DDX60: variants seen among roughly 807,000 people sequenced by gnomAD.
The protein encoded by DDX60 is probable ATP-dependent RNA helicase DDX60.
A neutral mutation model predicts 212.8 loss-of-function variants in DDX60; 165 were observed. The ratio of observed to expected loss-of-function variants is 0.78; its 90% CI spans 0.68 to 0.88. DDX60 has a LOEUF of 0.88. DDX60 is among the 40% of genes least tolerant of loss of function. The pLI is 0.00. For missense variants in DDX60, 1,905 were observed against 2,003.9 expected, an observed-to-expected ratio of 0.95 and a Z score of 0.94; for synonymous variants, 703 against 685.3, an observed-to-expected ratio of 1.03 and a Z score of -0.40.
chr4:168,280,245 T>C lies in DDX60; in HGVS notation c.1978+90A>G, dbSNP rs878886059. On this transcript the variant is annotated intron_variant, in intron 14 of 37. Transcript: ENST00000393743. ...AAGATAGGGCATGTAAGTCTTCTAA[T>C]GCAAATTTCCAGTTAACAAATGGCA... The C allele has an allele frequency of 1.2e-5, 18 of 1,482,872 alleles. No individual in the cohort carries two copies. In the South Asian group the frequency reaches 1.8e-4, roughly 14 times the overall value. 91.9% of individuals were successfully genotyped at this position (1,482,872 alleles called of 1,614,324 possible). A position where few individuals can be genotyped will look rare whatever the true frequency, so the allele number is the denominator to read the frequency against.
chr4:168,290,410 G>A (rs1736039758), intron 8 of DDX60, among the ~76,000 whole-genome samples: 1 of 148,702 alleles, frequency 6.7e-6, no homozygotes, highest in African/African-American at 2.5e-5. Flanking sequence ...CTCACTGCAA[G>A]CTCCGCCTCC....
At chr4:168,239,411 T>C (rs1243918273) in intron 30 of DDX60, among the ~76,000 whole-genome samples, 1 of 149,342 alleles carries the variant, frequency 6.7e-6, no homozygotes, top group Non-Finnish European at 1.5e-5. Context: ...GATAGATAGA[T>C]AGAGGTAGGT....
In DDX60 at chr4:168,243,917, T is replaced by C. The variant is rs949093633; in HGVS notation, c.4164+2501A>G. Among the ~76,000 whole-genome samples, 6 of 151,172 alleles carry C rather than the reference T, an allele frequency of 4.0e-5. No homozygotes were observed. In the East Asian group the frequency reaches 7.7e-4, roughly 19 times the overall value. On this transcript the variant is annotated intron_variant, in intron 30 of 37. Coordinates refer to ENST00000393743, the MANE Select transcript of DDX60 (RefSeq NM_017631.6). Reference sequence around the variant, plus strand: ...GGTACATATACACCATGGAATACTATGCAGCTATAAAAAGGAATGAGATCA... The same window carrying C: ...GGTACATATACACCATGGAATACTACGCAGCTATAAAAAGGAATGAGATCA...
Position 168,293,798 on chromosome 4 carries a change from C to T in DDX60, c.871G>A (p.Glu291Lys). 2 of 1,608,132 alleles carry T rather than the reference C, an allele frequency of 1.2e-6. No homozygotes were observed. The highest frequency in any genetic ancestry group is 1.7e-6 in the Non-Finnish European group (2 of 1,178,282). The change falls in exon 7 of 38, where the codon GAG becomes AAG. Residue 291 changes from glutamate (E) to lysine (K), a missense_variant. Coordinates refer to ENST00000393743, the MANE Select transcript of DDX60 (RefSeq NM_017631.6). ...NREPSSGQET[E>K]IQQVNSNCLT... ...TATAAAAACCACACCTGTTGGATCT[C>T]AGTTTCCTGACCAGAGGAGGGCTCT...
chr4:168,227,913 C>T (rs993538802), intron 33 of DDX60, among the ~76,000 whole-genome samples: 1 of 152,058 alleles, frequency 6.6e-6, no homozygotes, highest in Admixed American at 6.6e-5. Context: ...TTTTAATCAT[C>T]TTACTTTCAA....
At chr4:168,221,553 C>T (rs1437100933) in intron 36 of DDX60, among the ~76,000 whole-genome samples, 177 bp downstream of exon 36, 2 of 151,804 alleles carry the variant, frequency 1.3e-5, no homozygotes, top group Non-Finnish European at 2.9e-5. Flanking sequence ...AAAAATAATA[C>T]CGAATTGTTA....
rs560496032 is a variant in DDX60, at chr4:168,293,885, C to T, written c.784G>A (p.Val262Ile). The change falls in exon 7 of 38, where the codon GTC becomes ATC. Residue 262 changes from valine (V) to isoleucine (I), a missense_variant. Physicochemically the swap from Val to Ile is conservative, Grantham distance 29. Coordinates refer to ENST00000393743, the MANE Select transcript of DDX60 (RefSeq NM_017631.6). ...AATGAGCATGAAGTAACACAAAAGACACGCCGAATGTCAGATCCTTCTGGC... is the reference window on the plus strand; with the variant it reads ...AATGAGCATGAAGTAACACAAAAGATACGCCGAATGTCAGATCCTTCTGGC... The part of the protein sequence containing the change: ...VWPEGSDIRR[V>I]FCVTSCSLSL... The T allele has an allele frequency of 9.3e-6, 15 of 1,614,012 alleles. No homozygotes were observed. In the African/African-American group the frequency reaches 1.9e-4, roughly 20 times the overall value.
rs1248782138 is a variant in DDX60 at position 168,287,218 on chromosome 4, A to G, written c.1184-15T>C. ...CAAATGTAGGCCTACATAACAATTA[A>G]AAACACTAAATACTAGAAGCCATCC... On this transcript the variant is annotated splice_polypyrimidine_tract_variant and intron_variant, in intron 9 of 37. Transcript: ENST00000393743. The G allele has an allele frequency of 6.3e-7, 1 of 1,592,606 alleles. No homozygotes were observed. Among genetic ancestry groups the G allele is most frequent in the Non-Finnish European group, 8.6e-7 (1 of 1,166,792 alleles).
intron 22 of DDX60, among the ~76,000 whole-genome samples, chr4:168,263,119 A>G (rs553677845): frequency 1.3e-5 from 2 of 152,340 alleles, no homozygotes; most frequent in South Asian, 2.1e-4. Context: ...CATAACTTCT[A>G]TCTTACAGCT....
chr4:168,256,092 C>T lies in DDX60; in HGVS notation c.3399-223G>A, dbSNP rs549656129. 2.5e-3 allele frequency among the ~76,000 whole-genome samples: 346 copies of T among 140,632 alleles called. 3 individuals carry two copies. The highest frequency in any genetic ancestry group is 8.8e-3 in the African/African-American group (326 of 37,242). The allele number at this position is 140,632 out of a possible 152,430, so 92.3% of individuals were successfully genotyped here. A position where few individuals can be genotyped will look rare whatever the true frequency, so the allele number is the denominator to read the frequency against. On this transcript the variant is annotated intron_variant, in intron 25 of 37. Transcript: ENST00000393743. ...TGCCTACCCTCCCCTTCTCCCTCCC[C>T]ACTCCCCCCCACCCCACCCCGCCAC...
intron 1 of DDX60, among the ~76,000 whole-genome samples, chr4:168,312,446 G>A (rs1161869779): frequency 1.3e-5 from 2 of 151,720 alleles, no homozygotes; most frequent in African/African-American, 2.4e-5. Flanking sequence ...CTTGGACAGG[G>A]AGAGACAGCA....
intron 19 of DDX60, among the ~76,000 whole-genome samples, chr4:168,269,343 A>C (rs1734987997): frequency 6.6e-6 from 1 of 152,268 alleles, no homozygotes; most frequent in East Asian, 1.9e-4. Flanking sequence ...TCACGCCTGT[A>C]ATCCCAGCAC....
chr4:168,298,097 G>T (rs957982373), intron 6 of DDX60, among the ~76,000 whole-genome samples: 12 of 151,696 alleles, frequency 7.9e-5, no homozygotes, highest in African/African-American at 2.9e-4. Flanking sequence ...TATAAAAATG[G>T]TACAGCATGG....
At chr4:168,312,404 G>T (rs566968380) in intron 1 of DDX60, among the ~76,000 whole-genome samples, 4 of 152,098 alleles carry the variant, frequency 2.6e-5, no homozygotes, top group Non-Finnish European at 4.4e-5. Flanking sequence ...GAGTATTAAC[G>T]GTAAATGAGG....
intron 6 of DDX60, among the ~76,000 whole-genome samples, chr4:168,301,507 T>C (rs1265962029): frequency 6.6e-6 from 1 of 152,090 alleles, no homozygotes; most frequent in Non-Finnish European, 1.5e-5. Flanking sequence ...ACCTGGAACA[T>C]TTTGAGCTCC....
At chr4:168,299,565 C>T (rs922677166) in intron 6 of DDX60, among the ~76,000 whole-genome samples, 3 of 150,758 alleles carry the variant, frequency 2.0e-5, no homozygotes, top group Non-Finnish European at 4.4e-5. Flanking sequence ...CTAACCTGAT[C>T]ATAAAAAAAA....
At chr4:168,295,210 C>T (rs1231349249) in intron 6 of DDX60, among the ~76,000 whole-genome samples, 1 of 152,102 alleles carries the variant, frequency 6.6e-6, no homozygotes, top group African/African-American at 2.4e-5. Context: ...TATCATAGGA[C>T]CCAGTAATCC....
At chr4:168,284,432 C>T (rs531377716) in intron 12 of DDX60, among the ~76,000 whole-genome samples, 3 of 152,270 alleles carry the variant, frequency 2.0e-5, no homozygotes, top group East Asian at 3.9e-4. Flanking sequence ...GTTTCAACCA[C>T]CCTGAGCATG....
At chr4:168,229,231 A>G (rs58732915) in intron 33 of DDX60, among the ~76,000 whole-genome samples, 25,757 of 152,102 alleles carry the variant, frequency 0.17, 3,809 homozygotes, top group African/African-American at 0.39. Flanking sequence ...CCCTTAACAC[A>G]TATCATCAAT....
Sources: allele counts gnomAD v4.1 joint callset (sites outside exome capture counted in the v4.1 genomes callset), GRCh38; gene constraint gnomAD v4.1.1; transcripts MANE v1.5; gene names NCBI Gene and HGNC (gene_info 2026-07-23, HGNC 2026-07-21).